ATG10: variants seen among roughly 807,000 people sequenced by gnomAD.
The protein encoded by ATG10 is autophagy related 10, also known as ubiquitin-like-conjugating enzyme ATG10.
Under a neutral mutation model 32.1 loss-of-function variants are expected in ATG10, and 30 were observed. That is an observed-to-expected ratio of 0.94 (90% CI 0.70 to 1.27). The LOEUF is 1.27. ATG10 is among the 50% of genes most tolerant of loss of function. ATG10 has a pLI of 0.00. For missense variants in ATG10, 233 were observed against 262.3 expected, an observed-to-expected ratio of 0.89 and a Z score of 0.77; for synonymous variants, 87 against 91.5, an observed-to-expected ratio of 0.95 and a Z score of 0.28.
At chr5:82,233,794 T>C (rs1337992197) in intron 5 of ATG10, among the ~76,000 whole-genome samples, 2 of 152,178 alleles carry the variant, frequency 1.3e-5, no homozygotes, top group African/African-American at 2.4e-5. Context: ...CTGTCTACCC[T>C]CTAATTGACT....
chr5:82,095,742 C>T (rs1303079466), intron 3 of ATG10, among the ~76,000 whole-genome samples: 1 of 152,072 alleles, frequency 6.6e-6, no homozygotes, highest in East Asian at 1.9e-4. Flanking sequence ...GGTGCACAGG[C>T]CTATTATATT....
intron 3 of ATG10, among the ~76,000 whole-genome samples, chr5:82,135,286 T>G (rs1428346353): frequency 6.6e-6 from 1 of 152,204 alleles, no homozygotes; most frequent in Non-Finnish European, 1.5e-5. Context: ...TTGTTTTCTC[T>G]TGCTTCTCTA....
chr5:81,981,223 G>A (rs992270103), intron 1 of ATG10, among the ~76,000 whole-genome samples: 1 of 152,196 alleles, frequency 6.6e-6, no homozygotes, highest in East Asian at 1.9e-4. Context: ...TTCATCTTTT[G>A]TCTAGGGATC....
At chr5:81,983,165 G>A (rs1409767114) in intron 1 of ATG10, among the ~76,000 whole-genome samples, 1 of 151,240 alleles carries the variant, frequency 6.6e-6, no homozygotes, top group Non-Finnish European at 1.5e-5. Flanking sequence ...TGGACGGGGC[G>A]GCTGGCCGGG....
chr5:82,179,040 A>G (rs1744137875), intron 5 of ATG10, among the ~76,000 whole-genome samples: 1 of 152,166 alleles, frequency 6.6e-6, no homozygotes, highest in Non-Finnish European at 1.5e-5. Context: ...ACATTAGCCT[A>G]CAGTTGGACA....
chr5:82,019,681 G>A (rs1306348702), intron 2 of ATG10, among the ~76,000 whole-genome samples: 1 of 152,108 alleles, frequency 6.6e-6, no homozygotes, highest in Admixed American at 6.5e-5. Flanking sequence ...ATAACCACTT[G>A]TAATGAGTTT....
chr5:82,019,058 A>G (rs1762367689), intron 2 of ATG10, among the ~76,000 whole-genome samples: 1 of 152,172 alleles, frequency 6.6e-6, no homozygotes, highest in Admixed American at 6.5e-5. Flanking sequence ...AGTTTTGTTA[A>G]ATGAGTGAGT....
intron 2 of ATG10, among the ~76,000 whole-genome samples, chr5:82,032,860 CTTTGAGGGAT>C (rs1254038948): frequency 6.6e-6 from 1 of 151,858 alleles, no homozygotes; most frequent in Non-Finnish European, 1.5e-5. Context: ...CATCTAATCC[CTTTGAGGGAT>C]TTTGAGAAAG....
intron 3 of ATG10, among the ~76,000 whole-genome samples, chr5:82,125,751 A>G (rs1345952880): frequency 6.6e-6 from 1 of 152,030 alleles, no homozygotes; most frequent in East Asian, 1.9e-4. Flanking sequence ...TGTCTTGGCT[A>G]TGAGGGCTCT....
chr5:82,035,856 C>G (rs915903787), intron 2 of ATG10, among the ~76,000 whole-genome samples: 3 of 150,430 alleles, frequency 2.0e-5, no homozygotes, highest in Non-Finnish European at 4.4e-5. Context: ...AATATTTTCC[C>G]CAGTCTGTCA....
rs773732437 is a variant in ATG10 at position 82,010,525 on chromosome 5, A to G, written c.108+22847A>G. Among the ~76,000 whole-genome samples the G allele has an allele frequency of 1.4e-3, 206 of 152,154 alleles. 1 individual carries two copies. The highest frequency in any genetic ancestry group is 2.5e-3 in the Non-Finnish European group (167 of 68,020). On this transcript the variant is annotated intron_variant, in intron 2 of 7. Coordinates refer to ENST00000282185, the MANE Select transcript of ATG10 (RefSeq NM_031482.5). ...TGGGGCTTTAATTAATTAATTAACT[A>G]ATTTCTTTAAGTCGATCCATGATAG... is the stretch of plus-strand genomic sequence containing the variant.
At chr5:82,198,944 A>C (rs938307382) in intron 5 of ATG10, among the ~76,000 whole-genome samples, 7 of 152,208 alleles carry the variant, frequency 4.6e-5, no homozygotes, top group African/African-American at 1.7e-4. Flanking sequence ...TTTCACACTG[A>C]TACATTATAT....
chr5:81,993,385 T>TCC (rs1761549848), intron 2 of ATG10, among the ~76,000 whole-genome samples: 1 of 121,460 alleles, frequency 8.2e-6, no homozygotes, highest in African/African-American at 3.5e-5. Flanking sequence ...TTTCTTTTCT[T>TCC]TTCTTTTTTT....
At chr5:82,158,833 G>A (rs908062529) in intron 3 of ATG10, among the ~76,000 whole-genome samples, 2 of 152,122 alleles carry the variant, frequency 1.3e-5, no homozygotes, top group African/African-American at 4.8e-5. Flanking sequence ...ACAGTACAAA[G>A]AGCAGTGGTT....
intron 5 of ATG10, among the ~76,000 whole-genome samples, chr5:82,207,122 C>T (rs549773860): frequency 6.6e-6 from 1 of 152,168 alleles, no homozygotes; most frequent in African/African-American, 2.4e-5. Context: ...ATTCTATGAT[C>T]ATGTCTTTTG....
intron 3 of ATG10, among the ~76,000 whole-genome samples, chr5:82,058,823 G>T (rs1428136656): frequency 6.6e-6 from 1 of 152,132 alleles, no homozygotes; most frequent in East Asian, 1.9e-4. Context: ...TCCTGGGCCT[G>T]TTGTAGGGGG....
intron 2 of ATG10, among the ~76,000 whole-genome samples, chr5:82,044,873 G>T (rs574305185): frequency 1.3e-5 from 2 of 152,274 alleles, no homozygotes; most frequent in African/African-American, 4.8e-5. Flanking sequence ...TTACTACTTA[G>T]TGAAAGACTC....
intron 5 of ATG10, among the ~76,000 whole-genome samples, chr5:82,211,876 A>G (rs1050223654): frequency 6.6e-6 from 1 of 151,706 alleles, no homozygotes; most frequent in Admixed American, 6.6e-5. Flanking sequence ...TGTAGATTCT[A>G]TGGCCCAGGC....
At chr5:82,034,860 C>G (rs1762861970) in intron 2 of ATG10, among the ~76,000 whole-genome samples, 1 of 152,102 alleles carries the variant, frequency 6.6e-6, no homozygotes, top group Non-Finnish European at 1.5e-5. Flanking sequence ...AGCATCTTCT[C>G]AACACTATCA....
Sources: gnomAD v4.1 joint callset for allele counts (sites outside exome capture counted in the v4.1 genomes callset) on GRCh38, gnomAD v4.1.1 for gene constraint, MANE v1.5 for transcripts, NCBI Gene and HGNC (gene_info 2026-07-23, HGNC 2026-07-21) for gene names.